The following ANKRD36C variants were observed in gnomAD, a reference collection of about 807,000 sequenced individuals.
ANKRD36C encodes ankyrin repeat domain 36C, also known as ankyrin repeat domain-containing protein 36C.
A neutral mutation model predicts 276.4 loss-of-function variants in ANKRD36C; 61 were observed. That is an observed-to-expected ratio of 0.22 (90% CI 0.18 to 0.27). ANKRD36C has a LOEUF of 0.27. Ranked by LOEUF, ANKRD36C falls within the 10% of genes least tolerant of loss-of-function variation. The probability of loss-of-function intolerance (pLI) is 1.00; values close to 1 mark genes in which losing one functional copy is unlikely to be tolerated. For missense variants in ANKRD36C, 1,447 were observed against 2,032.3 expected, an observed-to-expected ratio of 0.71 and a Z score of 5.54; for synonymous variants, 483 against 680.1, an observed-to-expected ratio of 0.71 and a Z score of 4.51.
chr2:95,893,504 C>A (rs1573746312), intron 44 of ANKRD36C, 29 bp downstream of exon 64: 1 of 1,537,266 alleles, frequency 6.5e-7, no homozygotes, highest in Non-Finnish European at 8.8e-7. Context: ...CTGGACTGAA[C>A]ATGACATTAA....
At chr2:95,864,860 T>C (rs1220031290) in intron 60 of ANKRD36C, among the ~76,000 whole-genome samples, 2 of 151,994 alleles carry the variant, frequency 1.3e-5, no homozygotes, top group Admixed American at 6.6e-5. Context: ...TTAACAACCT[T>C]TGGTCTATGA....
chr2:95,853,867 A>C lies in ANKRD36C; in HGVS notation c.4996-6T>G, dbSNP rs781529374. 2 of 1,604,646 alleles carry C rather than the reference A, an allele frequency of 1.2e-6. No individual in the cohort carries two copies. The highest frequency in any genetic ancestry group is 2.7e-5 in the African/African-American group (2 of 74,688). On this transcript the variant is annotated splice_region_variant and splice_polypyrimidine_tract_variant and intron_variant, in intron 63 of 66. Transcript: ENST00000456556. Reference sequence around the variant, plus strand: ...TGAAGCTGTCTCACAGCTACCTGATAAGATGTTATTTTTGTTACTGATTTT... The same window carrying C: ...TGAAGCTGTCTCACAGCTACCTGATCAGATGTTATTTTTGTTACTGATTTT...
intron 6 of ANKRD36C, among the ~76,000 whole-genome samples, chr2:95,971,197 A>T (rs527608011): frequency 6.6e-6 from 1 of 152,166 alleles, no homozygotes; most frequent in Non-Finnish European, 1.5e-5. Flanking sequence ...GTTGTGAGGG[A>T]GGAATAAAAA....
intron 26 of ANKRD36C, 134 bp from the exon 27 acceptor site, chr2:95,927,543 T>C: frequency 2.1e-6 from 3 of 1,422,362 alleles, no homozygotes; most frequent in Non-Finnish European, 2.8e-6. Flanking sequence ...CTACTTTTTG[T>C]CTGGAGACTG....
rs192772037 is a variant in ANKRD36C at position 95,890,129 on chromosome 2, C to T, written c.2858-135G>A. 4.8e-3 allele frequency: 5,769 copies of T among 1,205,148 alleles called. 46 individuals carry two copies. Among genetic ancestry groups the T allele is most frequent in the Middle Eastern group, 6.6e-3 (24 of 3,630 alleles). The allele number at this position is 1,205,148 out of a possible 1,614,324, so 74.7% of individuals were successfully genotyped here. A position where few individuals can be genotyped will look rare whatever the true frequency, so the allele number is the denominator to read the frequency against. Reference sequence around the variant, plus strand: ...GGCTTTGATGGCTTCTATATTGTGTCGGGGACAAGAACATGACAGAAGTAC... The same window carrying T: ...GGCTTTGATGGCTTCTATATTGTGTTGGGGACAAGAACATGACAGAAGTAC... On this transcript the variant is annotated intron_variant, in intron 46 of 66. Coordinates refer to ENST00000456556, the Ensembl canonical transcript of ANKRD36C.
intron 38 of ANKRD36C, 137 bp from the exon 41 acceptor site, chr2:95,914,440 G>T: frequency 2.6e-6 from 3 of 1,163,258 alleles, no homozygotes; most frequent in Non-Finnish European, 2.5e-6. Context: ...CTTTGTGTCT[G>T]GGGACTAGAA....
exon 4 of ANKRD36C, chr2:95,982,288 T>C (rs1369250433): frequency 6.4e-7 from 1 of 1,550,660 alleles, no homozygotes; most frequent in Non-Finnish European, 8.7e-7. Context: ...TTATATTTGC[T>C]TTTTTCTTTA....
At chr2:95,946,119 A>T (rs1678039563) in intron 17 of ANKRD36C, among the ~76,000 whole-genome samples, 2 of 147,556 alleles carry the variant, frequency 1.4e-5, no homozygotes, top group Non-Finnish European at 3.0e-5. Flanking sequence ...AAGCTGAAAC[A>T]TTCTTACTAC....
chr2:95,895,975 A>G (rs1386862288), intron 44 of ANKRD36C, among the ~76,000 whole-genome samples: 1 of 149,514 alleles, frequency 6.7e-6, no homozygotes, highest in Non-Finnish European at 1.5e-5. Context: ...CATGCAACAA[A>G]TCAAAAGGAT....
At chr2:95,849,245 A>T (rs905454342), downstream of ANKRD36C, among the ~76,000 whole-genome samples, 2 of 152,120 alleles carry the variant, frequency 1.3e-5, no homozygotes, top group African/African-American at 4.8e-5. Flanking sequence ...TTTTTAGTAG[A>T]GACAGGATTT....
At chr2:95,889,055 T>C (rs1279361707) in intron 48 of ANKRD36C, among the ~76,000 whole-genome samples, 1 of 151,552 alleles carries the variant, frequency 6.6e-6, no homozygotes, top group Non-Finnish European at 1.5e-5. Context: ...TTGAAGCCAA[T>C]GTATTCATAT....
chr2:95,891,303 T>A (rs1329596002), intron 46 of ANKRD36C, among the ~76,000 whole-genome samples: 2 of 151,500 alleles, frequency 1.3e-5, no homozygotes, highest in Non-Finnish European at 3.0e-5. Flanking sequence ...TGTCTTTTCT[T>A]GGCAGTACAA....
chr2:95,852,012 T>G (rs79580617), intron 65 of ANKRD36C, 114 bp downstream of exon 85: 1 of 1,250,304 alleles, frequency 8.0e-7, no homozygotes, highest in Non-Finnish European at 1.1e-6. Flanking sequence ...CAGATGAAAC[T>G]TTTTTGGCTT....
At chr2:95,981,427 TATATA>T (rs1383627784) in intron 4 of ANKRD36C, among the ~76,000 whole-genome samples, 1 of 147,858 alleles carries the variant, frequency 6.8e-6, no homozygotes, top group East Asian at 1.9e-4. Flanking sequence ...AAATATATAA[TATATA>T]GTATATTATA....
At chr2:95,947,180 G>A (rs982031603) in intron 17 of ANKRD36C, among the ~76,000 whole-genome samples, 12 of 151,930 alleles carry the variant, frequency 7.9e-5, no homozygotes, top group African/African-American at 2.7e-4. Flanking sequence ...TAGAAAACAC[G>A]CTGTATCCAC....
intron 6 of ANKRD36C, among the ~76,000 whole-genome samples, chr2:95,965,780 GATAT>G (rs145122711): frequency 1.5e-4 from 22 of 150,902 alleles, no homozygotes; most frequent in African/African-American, 5.1e-4. Context: ...GGATAGATCT[GATAT>G]ATATATATAT....
chr2:95,913,715 T>C (rs1677003418), intron 40 of ANKRD36C, among the ~76,000 whole-genome samples: 1 of 151,426 alleles, frequency 6.6e-6, no homozygotes, highest in Non-Finnish European at 1.5e-5. Flanking sequence ...CTACAGTGTC[T>C]ATGGGTTGTT....
intron 17 of ANKRD36C, among the ~76,000 whole-genome samples, chr2:95,947,566 G>T (rs1678085724): frequency 6.6e-6 from 1 of 152,034 alleles, no homozygotes; most frequent in Non-Finnish European, 1.5e-5. Flanking sequence ...TCTGAAATTT[G>T]AAACTTAGAA....
At chr2:95,890,939 A>T (rs1433739937) in intron 46 of ANKRD36C, among the ~76,000 whole-genome samples, 1 of 151,488 alleles carries the variant, frequency 6.6e-6, no homozygotes, top group East Asian at 1.9e-4. Flanking sequence ...ATTTATTCAT[A>T]ATCAAGATTA....
Sources: allele counts gnomAD v4.1 joint callset (sites outside exome capture counted in the v4.1 genomes callset), GRCh38; gene constraint gnomAD v4.1.1; transcripts MANE v1.5; gene names NCBI Gene and HGNC (gene_info 2026-07-23, HGNC 2026-07-21).